The following SHOC1 variants were observed in gnomAD, a reference collection of about 807,000 sequenced individuals.
SHOC1 encodes protein shortage in chiasmata 1 ortholog.
SHOC1 carries 136 observed loss-of-function variants against 179.2 expected under a neutral mutation model. That is an observed-to-expected ratio of 0.76 (90% CI 0.66 to 0.87). The LOEUF (loss-of-function observed/expected upper bound fraction) is 0.87. SHOC1 is among the 40% of genes least tolerant of loss of function. The pLI is 0.00. For synonymous variants in SHOC1, 489 were observed against 586.6 expected (o/e 0.83, Z 2.41); for missense variants, 1,538 against 1,700.8 (o/e 0.90, Z 1.68).
At chr9:111,758,411 C>T (rs182912687) in intron 6 of SHOC1, among the ~76,000 whole-genome samples, 22 of 152,306 alleles carry the variant, frequency 1.4e-4, no homozygotes, top group Admixed American at 1.3e-3. Context: ...GCCTGGCCAA[C>T]ATGGTGAAAC....
intron 23 of SHOC1, among the ~76,000 whole-genome samples, 154 bp downstream of exon 23, chr9:111,701,951 T>C (rs1831991968): frequency 6.6e-6 from 1 of 152,096 alleles, no homozygotes; most frequent in Non-Finnish European, 1.5e-5. Context: ...AATTCAAATT[T>C]GTTTTCCTGT....
At chr9:111,759,309 AC>A in intron 5 of SHOC1, 1 of 1,592,330 alleles carries the variant, frequency 6.3e-7, no homozygotes, top group African/African-American at 1.4e-5. Context: ...GAGATGGTCT[AC>A]AGTGCCTACA....
Position 111,758,137 on chromosome 9 carries a change from C to A in SHOC1, c.655G>T (p.Asp219Tyr). The A allele has an allele frequency of 6.3e-7, 1 of 1,590,104 alleles. No homozygotes were observed. The highest frequency in any genetic ancestry group is 1.2e-5 in the South Asian group (1 of 85,746). ...TTCTCTTGACAAAAGTTCACTTTAT[C>A]CATACAAAAATCTTCTTTCACAAAA... ...EAFVKEDFCM[D>Y]KVNFCQEKLE... Residue 219 changes from aspartate to tyrosine, a missense_variant, in exon 7 of 28, where the codon GAT becomes TAT. Physicochemically the swap from Asp to Tyr is radical, Grantham distance 160 (BLOSUM62 -3). Transcript: ENST00000682961.
chr9:111,791,637 T>C (rs1168334972), intron 1 of SHOC1, among the ~76,000 whole-genome samples, 183 bp from the exon 2 acceptor site: 1 of 152,182 alleles, frequency 6.6e-6, no homozygotes, highest in Non-Finnish European at 1.5e-5. Flanking sequence ...TGATAGAAAA[T>C]TGAATAATTT....
intron 16 of SHOC1, among the ~76,000 whole-genome samples, chr9:111,715,615 A>T (rs1221058243): frequency 6.6e-6 from 1 of 152,136 alleles, no homozygotes; most frequent in African/African-American, 2.4e-5. Flanking sequence ...CTCCAGGCCT[A>T]GCTCCTGCTT....
intron 5 of SHOC1, among the ~76,000 whole-genome samples, chr9:111,764,483 C>CACAAT (rs889183743): frequency 3.5e-4 from 53 of 151,890 alleles, no homozygotes; most frequent in Non-Finnish European, 2.9e-5. Context: ...TATTGAATAA[C>CACAAT]ACAATACTAT....
At chr9:111,722,387 C>T (rs753345837) in intron 15 of SHOC1, 22 bp downstream of exon 15, 33 of 1,559,750 alleles carry the variant, frequency 2.1e-5, no homozygotes, top group East Asian at 6.8e-5. Flanking sequence ...TTTTAAATAA[C>T]GTGACTTTTA....
intron 4 of SHOC1, among the ~76,000 whole-genome samples, chr9:111,778,229 G>C (rs1041275730): frequency 3.3e-5 from 5 of 152,032 alleles, no homozygotes; most frequent in Non-Finnish European, 5.9e-5. Flanking sequence ...GTCTTTTCCA[G>C]GTTTCTACTC....
rs780313799 is a variant in SHOC1, at chr9:111,706,746, A to G, written c.2559T>C (p.Gly853=). The G allele has an allele frequency of 5.1e-6, 8 of 1,571,380 alleles. No individual in the cohort carries two copies. The highest frequency in any genetic ancestry group is 2.8e-5 in the African/African-American group (2 of 72,492). ...DFLESEGVLR[G]TSSCVVVHNQ... is the part of the protein sequence containing the mutation. ...TATGTACAACTACACAGGAACTTGT[A>G]CTAAAGACAAAAGAGAGCCAAGAAA... Residue 853 remains glycine, a splice_region_variant and synonymous_variant, in exon 20 of 28, where the codon GGT becomes GGC. Coordinates refer to ENST00000682961, the MANE Select transcript of SHOC1 (RefSeq NM_001378211.1).
At position 111,722,420 on chromosome 9, in the gene SHOC1, G is replaced by A. The variant is rs751341011; in HGVS notation, c.2120C>T (p.Ala707Val). 3.8e-6 allele frequency: 6 copies of A among 1,597,306 alleles called. No individual in the cohort carries two copies. The highest frequency in any genetic ancestry group is 2.7e-5 in the African/African-American group (2 of 73,788). Residue 707 changes from alanine (A) to valine (V), a missense_variant, in exon 15 of 28, where the codon GCT (alanine) becomes GTT (valine). Physicochemically the swap from Ala to Val is moderately conservative, Grantham distance 64. Transcript: ENST00000682961. ...TTATTTGTACTCACCTTGGCGAACA[G>A]CATCACTTACTACTTTTTCTTGTTC... is the stretch of plus-strand genomic sequence containing the variant. ...LKEQEKVVSDAVRQGTIDERE... is the reference protein window; with the variant it reads ...LKEQEKVVSDVVRQGTIDERE...
Position 111,722,523 on chromosome 9 carries a change from C to G in SHOC1, c.2017G>C (p.Val673Leu). The change falls in exon 15 of 28, where the codon GTA becomes CTA. Residue 673 changes from valine (V) to leucine (L), a missense_variant. Physicochemically the swap from Val to Leu is conservative, Grantham distance 32. Coordinates refer to ENST00000682961, the MANE Select transcript of SHOC1 (RefSeq NM_001378211.1). Reference protein sequence around the residue: ...AAASPILKNLVSLCTLPTANW... With the variant: ...AAASPILKNLLSLCTLPTANW... ...GCAGTAGGGAGGGTACACAAGGATA[C>G]AAGGTTTTTTAAGATAGGAGAAGCT... 6.2e-7 allele frequency: 1 copy of G among 1,610,552 alleles called. No homozygotes were observed. Among genetic ancestry groups the G allele is most frequent in the Non-Finnish European group, 8.5e-7 (1 of 1,179,296 alleles).
At chr9:111,698,813 TA>T (rs1257237854) in intron 24 of SHOC1, among the ~76,000 whole-genome samples, 1 of 151,874 alleles carries the variant, frequency 6.6e-6, no homozygotes, top group Non-Finnish European at 1.5e-5. Context: ...AAATGGTGAG[TA>T]AAATAATGTT....
At chr9:111,786,098 T>C in intron 2 of SHOC1, 63 bp from the exon 3 acceptor site, 2 of 1,122,550 alleles carry the variant, frequency 1.8e-6, no homozygotes, top group Non-Finnish European at 2.4e-6. Context: ...ATTCAGAATA[T>C]ATTAAAATTC....
At chr9:111,765,302 A>G (rs767785826) in intron 5 of SHOC1, among the ~76,000 whole-genome samples, 17 of 151,734 alleles carry the variant, frequency 1.1e-4, no homozygotes, top group East Asian at 2.0e-4. Flanking sequence ...GATTAACTCA[A>G]AACTCTGGGT....
At chr9:111,748,543 A>C (rs1407907952) in intron 8 of SHOC1, among the ~76,000 whole-genome samples, 1 of 152,148 alleles carries the variant, frequency 6.6e-6, no homozygotes, top group East Asian at 1.9e-4. Context: ...TTTCATCTCT[A>C]TCAATATATG....
At chr9:111,753,263 G>T (rs1343604871) in intron 8 of SHOC1, among the ~76,000 whole-genome samples, 1 of 152,044 alleles carries the variant, frequency 6.6e-6, no homozygotes, top group Non-Finnish European at 1.5e-5. Flanking sequence ...CAATTACTTA[G>T]CTCCTCCTAA....
At chr9:111,765,534 G>A (rs542516943) in intron 5 of SHOC1, among the ~76,000 whole-genome samples, 2 of 152,162 alleles carry the variant, frequency 1.3e-5, no homozygotes, top group East Asian at 3.9e-4. Context: ...AGGTTGCAGT[G>A]AGCAGAGATT....
At chr9:111,790,814 G>A (rs1836418963) in intron 2 of SHOC1, among the ~76,000 whole-genome samples, 1 of 152,272 alleles carries the variant, frequency 6.6e-6, no homozygotes, top group African/African-American at 2.4e-5. Flanking sequence ...CCAAAGTGCT[G>A]GGATTACAGG....
Position 111,722,123 on chromosome 9 carries a change from T to C in SHOC1, c.2131+286A>G, listed in dbSNP as rs17796033. On this transcript the variant is annotated intron_variant, in intron 15 of 27. Coordinates refer to ENST00000682961, the MANE Select transcript of SHOC1 (RefSeq NM_001378211.1). ...TTTTGGGAGGAGACTGAGTGGTTCA[T>C]ATGCTGACAATAATAAAGTTAATTT... 0.074 allele frequency among the ~76,000 whole-genome samples: 11,326 copies of C among 152,250 alleles called. 612 individuals are homozygous for C. The highest frequency in any genetic ancestry group is 0.2 in the South Asian group (984 of 4,820).
Sources: gnomAD v4.1 joint callset for allele counts (sites outside exome capture counted in the v4.1 genomes callset) on GRCh38, gnomAD v4.1.1 for gene constraint, MANE v1.5 for transcripts, NCBI Gene and HGNC (gene_info 2026-07-23, HGNC 2026-07-21) for gene names.